NRG3: variants seen among roughly 807,000 people sequenced by gnomAD.
NRG3 encodes the protein neuregulin 3, also known as pro-neuregulin-3, membrane-bound isoform.
A neutral mutation model predicts 66.9 loss-of-function variants in NRG3; 31 were observed. The ratio of observed to expected loss-of-function variants is 0.46; its 90% CI spans 0.35 to 0.63. NRG3 has a LOEUF of 0.63. NRG3 is among the 20% of genes least tolerant of loss of function. The probability of loss-of-function intolerance (pLI) is 0.00; values close to 1 mark genes in which losing one functional copy is unlikely to be tolerated. For missense variants in NRG3, 910 were observed against 878.9 expected, an observed-to-expected ratio of 1.04 and a Z score of -0.45; for synonymous variants, 393 against 359.4, an observed-to-expected ratio of 1.09 and a Z score of -1.06.
chr10:82,006,207 T>A (rs936122512), intron 1 of NRG3, among the ~76,000 whole-genome samples: 4 of 152,126 alleles, frequency 2.6e-5, no homozygotes, highest in African/African-American at 9.7e-5. Flanking sequence ...TTAGTGAGAT[T>A]ATTAGTGAGA....
chr10:82,404,000 C>T (rs1326272058), intron 2 of NRG3, among the ~76,000 whole-genome samples: 1 of 152,030 alleles, frequency 6.6e-6, no homozygotes, highest in East Asian at 1.9e-4. Flanking sequence ...GGTTTGCTGA[C>T]CTAAGTTGTG....
intron 2 of NRG3, among the ~76,000 whole-genome samples, chr10:82,502,023 A>C (rs1268047884): frequency 6.6e-6 from 1 of 152,172 alleles, no homozygotes. Context: ...GGATGAATGA[A>C]ATCCGAAGAG....
chr10:82,558,097 A>C (rs989335974), intron 2 of NRG3, among the ~76,000 whole-genome samples: 1 of 152,212 alleles, frequency 6.6e-6, no homozygotes, highest in Non-Finnish European at 1.5e-5. Context: ...AGGAGTAGAA[A>C]CAATCTCACA....
intron 2 of NRG3, among the ~76,000 whole-genome samples, chr10:82,582,890 TC>T (rs1050686229): frequency 5.3e-5 from 8 of 152,204 alleles, no homozygotes; most frequent in African/African-American, 1.9e-4. Flanking sequence ...CAGTTTATTT[TC>T]AGGGTGGGAA....
chr10:81,968,514 G>A (rs558549715), intron 1 of NRG3, among the ~76,000 whole-genome samples: 246 of 152,256 alleles, frequency 1.6e-3, no homozygotes, highest in African/African-American at 5.7e-3. Flanking sequence ...TGGGGGACTG[G>A]GCACCCCTCT....
intron 2 of NRG3, among the ~76,000 whole-genome samples, chr10:82,463,708 C>T (rs1478719076): frequency 1.3e-5 from 2 of 152,202 alleles, no homozygotes; most frequent in Non-Finnish European, 1.5e-5. Flanking sequence ...CATGCAGCTA[C>T]CACATGGCAG....
At chr10:82,317,752 A>T (rs2081367945) in intron 1 of NRG3, among the ~76,000 whole-genome samples, 1 of 152,188 alleles carries the variant, frequency 6.6e-6, no homozygotes, top group Non-Finnish European at 1.5e-5. Context: ...TCATTTTAGG[A>T]AGAGGTTTAT....
chr10:82,226,075 G>A (rs1345321153), intron 1 of NRG3, among the ~76,000 whole-genome samples: 8 of 151,874 alleles, frequency 5.3e-5, no homozygotes, highest in African/African-American at 1.7e-4. Flanking sequence ...TTTACCCCAA[G>A]AATCTATCCA....
intron 1 of NRG3, among the ~76,000 whole-genome samples, chr10:82,227,529 C>A (rs1277389445): frequency 6.6e-6 from 1 of 151,918 alleles, no homozygotes; most frequent in East Asian, 1.9e-4. Flanking sequence ...CATCTCATGA[C>A]AAAGAAGAGA....
chr10:82,170,597 T>C (rs1490293856), intron 1 of NRG3, among the ~76,000 whole-genome samples: 2 of 146,352 alleles, frequency 1.4e-5, no homozygotes, highest in African/African-American at 5.0e-5. Flanking sequence ...ATTTTCTCAT[T>C]TTTAAAATGG....
At chr10:82,029,496 A>G (rs1242375563) in intron 1 of NRG3, among the ~76,000 whole-genome samples, 1 of 152,060 alleles carries the variant, frequency 6.6e-6, no homozygotes, top group Non-Finnish European at 1.5e-5. Context: ...AAAGCTGTCA[A>G]CCCAACATCT....
At chr10:82,611,430 C>T (rs1490645547) in intron 2 of NRG3, among the ~76,000 whole-genome samples, 1 of 152,066 alleles carries the variant, frequency 6.6e-6, no homozygotes, top group Non-Finnish European at 1.5e-5. Context: ...CCCTCCACCC[C>T]TGGACAGGCC....
At chr10:82,714,491 A>G (rs1011980663) in intron 2 of NRG3, among the ~76,000 whole-genome samples, 11 of 152,186 alleles carry the variant, frequency 7.2e-5, no homozygotes, top group South Asian at 6.2e-4. Context: ...TCCTCAAAAA[A>G]CAGAAACAAT....
At chr10:82,458,931 C>T (rs1345795602) in intron 2 of NRG3, among the ~76,000 whole-genome samples, 1 of 152,150 alleles carries the variant, frequency 6.6e-6, no homozygotes, top group Non-Finnish European at 1.5e-5. Context: ...GCATTGCCTC[C>T]ACTGGAGGAA....
intron 3 of NRG3, among the ~76,000 whole-genome samples, chr10:82,814,452 T>A (rs2061621523): frequency 6.6e-6 from 1 of 152,218 alleles, no homozygotes; most frequent in Non-Finnish European, 1.5e-5. Flanking sequence ...AGAGGCCGCA[T>A]GGGGCTTCTC....
At chr10:82,704,575 G>A (rs540936256) in intron 2 of NRG3, among the ~76,000 whole-genome samples, 2 of 152,192 alleles carry the variant, frequency 1.3e-5, no homozygotes, top group South Asian at 2.1e-4. Flanking sequence ...CAATCCATGA[G>A]AGAAATTTGT....
At chr10:82,792,996 T>G (rs934119698) in intron 3 of NRG3, among the ~76,000 whole-genome samples, 12 of 152,102 alleles carry the variant, frequency 7.9e-5, no homozygotes, top group East Asian at 5.8e-4. Context: ...TTGTTTGTTT[T>G]TTTAATCCTA....
chr10:82,431,195 C>A (rs867917021), intron 2 of NRG3, among the ~76,000 whole-genome samples: 2 of 152,144 alleles, frequency 1.3e-5, no homozygotes, highest in Middle Eastern at 3.4e-3. Context: ...TGAGTCAGGG[C>A]AAGTAAATAC....
intron 1 of NRG3, among the ~76,000 whole-genome samples, chr10:82,040,024 G>A (rs2062960312): frequency 7.8e-6 from 1 of 128,284 alleles, no homozygotes; most frequent in South Asian, 2.8e-4. Context: ...AAGTTAATAA[G>A]GGTTAAGAAG....
Sources: gnomAD v4.1 joint callset for allele counts (sites outside exome capture counted in the v4.1 genomes callset) on GRCh38, gnomAD v4.1.1 for gene constraint, MANE v1.5 for transcripts, NCBI Gene and HGNC (gene_info 2026-07-23, HGNC 2026-07-21) for gene names.